SAMD8: variants seen among roughly 807,000 people sequenced by gnomAD.
SAMD8 encodes sphingomyelin synthase-related protein 1.
Under a neutral mutation model 42.0 loss-of-function variants are expected in SAMD8, and 20 were observed. The ratio of observed to expected loss-of-function variants is 0.48; its 90% CI spans 0.34 to 0.69. The LOEUF is 0.69. Ranked by LOEUF, SAMD8 falls within the 30% of genes least tolerant of loss-of-function variation. SAMD8 has a pLI of 0.01. For synonymous variants in SAMD8, 162 were observed against 173.0 expected (o/e 0.94, Z 0.50); for missense variants, 328 against 511.6 (o/e 0.64, Z 3.46).
chr10:75,176,608 T>C lies in SAMD8; in HGVS notation c.1164T>C (p.Phe388=). 6.4e-7 allele frequency: 1 copy of C among 1,550,568 alleles called. No individual in the cohort carries two copies. Among genetic ancestry groups the C allele is most frequent in the Non-Finnish European group, 8.7e-7 (1 of 1,146,960 alleles). Residue 388 remains phenylalanine, a synonymous_variant, in exon 6 of 6, where the codon TTT becomes TTC. Transcript: ENST00000542569. This position sits in a 1 kb window ranked among gnomAD's most constrained non-coding sequence, Gnocchi z 4.3. ...TTTGGTTTCCCATGTTCTCTTTTTT[T>C]GAATGCAATGTTAATGGCACAGTAC... ...ARIWFPMFSF[F]ECNVNGTVPN...
intron 1 of SAMD8, among the ~76,000 whole-genome samples, chr10:75,140,063 T>C (rs1564683313): frequency 6.6e-6 from 1 of 152,248 alleles, no homozygotes; most frequent in Non-Finnish European, 1.5e-5. Context: ...CTCCACTGAA[T>C]TGCCTTTGCA....
chr10:75,111,406 T>C, upstream of SAMD8: 2 of 830,062 alleles, frequency 2.4e-6, no homozygotes, highest in South Asian at 6.3e-5. Flanking sequence ...CTCGGGCCCA[T>C]CTGGAGCCTC....
In SAMD8 at chr10:75,157,539, ATTG is replaced by A. The variant is rs996472149; in HGVS notation, c.578+6436_578+6438del. On this transcript the variant is annotated intron_variant, in intron 2 of 5. Coordinates refer to ENST00000542569, the MANE Select transcript of SAMD8 (RefSeq NM_001174156.2). ...TGGAGCACAACGAAGTGCTCTCCTG[ATTG>A]TTTTTATTTTCTCTGTTTAAAGACA... 3.3e-4 allele frequency among the ~76,000 whole-genome samples: 50 copies of A among 152,072 alleles called. 1 individual carries two copies. The highest frequency in any genetic ancestry group is 1.5e-5 in the Non-Finnish European group (1 of 68,010).
At chr10:75,105,668 C>G (rs773613806) in intron 1 of SAMD8, 38 of 1,548,596 alleles carry the variant, frequency 2.5e-5, no homozygotes, top group East Asian at 2.4e-4. Flanking sequence ...CACCTGGCCC[C>G]TCAGCTCTGG....
At chr10:75,152,878 A>G (rs1840324168) in intron 2 of SAMD8, among the ~76,000 whole-genome samples, 1 of 152,134 alleles carries the variant, frequency 6.6e-6, no homozygotes, top group South Asian at 2.1e-4. Context: ...TCCAACAACA[A>G]TAATAATAAT....
rs186480729 is a variant in SAMD8, at chr10:75,103,134, G to T, written c.-16+3406G>T. ...AGACCCTCTCCCTTGGCCTTCAAGG[G>T]TATTATAGAAGAAGGGCAGGAAGTT... On this transcript the variant is annotated intron_variant, in intron 1 of 3. Transcript: ENST00000447533. Among the ~76,000 whole-genome samples, 1,087 of 152,302 alleles carry T rather than the reference G, an allele frequency of 7.1e-3. 7 individuals carry two copies. Among genetic ancestry groups the T allele is most frequent in the Middle Eastern group, 0.02 (6 of 294 alleles).
intron 2 of SAMD8, among the ~76,000 whole-genome samples, chr10:75,161,541 T>G (rs146317201): frequency 4.9e-4 from 73 of 149,090 alleles, no homozygotes; most frequent in South Asian, 8.5e-4. Context: ...GAGAAAAACA[T>G]AAGCGCAAAC....
chr10:75,152,666 G>C (rs1362181220), intron 2 of SAMD8, among the ~76,000 whole-genome samples: 3 of 151,964 alleles, frequency 2.0e-5, no homozygotes, highest in African/African-American at 7.2e-5. Flanking sequence ...TAGCCTACAA[G>C]TTCAAGACTT....
At chr10:75,139,891 G>A (rs778822883) in intron 1 of SAMD8, among the ~76,000 whole-genome samples, 12 of 152,018 alleles carry the variant, frequency 7.9e-5, no homozygotes, top group Non-Finnish European at 4.4e-5. Flanking sequence ...ACCTAACCCA[G>A]GTCAGAAAGA....
At chr10:75,136,420 A>G (rs988472487) in intron 1 of SAMD8, among the ~76,000 whole-genome samples, 1 of 152,224 alleles carries the variant, frequency 6.6e-6, no homozygotes, top group Non-Finnish European at 1.5e-5. Context: ...AGCTAAGGGG[A>G]AAAAACATAA....
intron 1 of SAMD8, among the ~76,000 whole-genome samples, chr10:75,135,475 C>T (rs10762661): frequency 0.25 from 37,253 of 149,644 alleles, 5,146 homozygotes; most frequent in East Asian, 0.59. Context: ...AAAAATTACA[C>T]TGTACCCCAT....
At chr10:75,111,541 C>G, upstream of SAMD8, 1 of 1,234,892 alleles carries the variant, frequency 8.1e-7, no homozygotes, top group Non-Finnish European at 1.0e-6. Flanking sequence ...GTGACGGCGG[C>G]CGGGACGATG....
At chr10:75,175,091 G>A (rs1212969074) in intron 4 of SAMD8, among the ~76,000 whole-genome samples, 2 of 152,122 alleles carry the variant, frequency 1.3e-5, no homozygotes, top group South Asian at 2.1e-4. Context: ...AGTTGAATGA[G>A]TCTGAGTTGT....
At chr10:75,157,974 A>G (rs1328735223) in intron 2 of SAMD8, among the ~76,000 whole-genome samples, 1 of 152,022 alleles carries the variant, frequency 6.6e-6, no homozygotes, top group Non-Finnish European at 1.5e-5. Flanking sequence ...AGCCTGACCA[A>G]CATGGAGAAA....
intron 1 of SAMD8, among the ~76,000 whole-genome samples, chr10:75,141,360 A>G (rs1840009997): frequency 6.6e-6 from 1 of 151,932 alleles, no homozygotes; most frequent in Non-Finnish European, 1.5e-5. Flanking sequence ...TCTCAAAAAA[A>G]AAAAAAAAGA....
rs745960372 is a variant in SAMD8 at position 75,176,090 on chromosome 10, T to C, written c.817T>C (p.Leu273=). 3 of 1,614,120 alleles carry C rather than the reference T, an allele frequency of 1.9e-6. No individual in the cohort carries two copies. In the East Asian group the frequency reaches 6.7e-5, roughly 36 times the overall value. ...GATATATGGCAGTGTATGGGAGAAA[T>C]TACATCGAGCCTTTGCCATTTGGAG... ...GKIYGSVWEK[L]HRAFAIWSGF... The change falls in exon 5 of 6, where the codon TTA becomes CTA. Residue 273 remains leucine (L), a synonymous_variant. Coordinates refer to ENST00000542569, the MANE Select transcript of SAMD8 (RefSeq NM_001174156.2). This position sits in a 1 kb window ranked among gnomAD's most constrained non-coding sequence, Gnocchi z 4.3.
chr10:75,141,915 C>T (rs573995920), intron 1 of SAMD8, among the ~76,000 whole-genome samples: 9 of 151,854 alleles, frequency 5.9e-5, no homozygotes, highest in African/African-American at 9.7e-5. Flanking sequence ...GTGAGAGTGA[C>T]GGTCTTGCCT....
upstream of SAMD8, among the ~76,000 whole-genome samples, chr10:75,109,450 G>A (rs1417032406): frequency 6.6e-6 from 1 of 152,192 alleles, no homozygotes; most frequent in African/African-American, 2.4e-5. Context: ...TTGAGGATTA[G>A]ATGAAACAAA....
intron 1 of SAMD8, chr10:75,105,656 C>A (rs1263902919): frequency 1.3e-6 from 2 of 1,547,854 alleles, no homozygotes; most frequent in East Asian, 4.9e-5. Context: ...CCCCTGAGGC[C>A]TCACCTGGCC....
Sources: allele counts gnomAD v4.1 joint callset (sites outside exome capture counted in the v4.1 genomes callset), GRCh38; gene constraint gnomAD v4.1.1; non-coding constraint Gnocchi (gnomAD v3.1); transcripts MANE v1.5; gene names NCBI Gene and HGNC (gene_info 2026-07-23, HGNC 2026-07-21).